DYNC2H1: variants seen among roughly 807,000 people sequenced by gnomAD.
DYNC2H1 encodes cytoplasmic dynein 2 heavy chain 1.
A neutral mutation model predicts 570.0 loss-of-function variants in DYNC2H1; 410 were observed. That is an observed-to-expected ratio of 0.72 (90% CI 0.66 to 0.78). DYNC2H1 has a LOEUF of 0.78. DYNC2H1 is among the 30% of genes least tolerant of loss of function. DYNC2H1 has a pLI of 0.00. For synonymous variants in DYNC2H1, 1,688 were observed against 1,677.6 expected (o/e 1.01, Z -0.15); for missense variants, 4,865 against 5,046.4 (o/e 0.96, Z 1.09).
chr11:103,126,376 T>G (rs12294762), intron 12 of DYNC2H1, among the ~76,000 whole-genome samples: 5,075 of 152,274 alleles, frequency 0.033, 290 homozygotes, highest in African/African-American at 0.12. Flanking sequence ...TCTCTAGATA[T>G]TGCCAAATGT....
rs1565432788 is a variant in DYNC2H1 at position 103,252,224 on chromosome 11, C to CA, written c.10043-1061_10043-1060insA. Among the ~76,000 whole-genome samples, 10 of 152,038 alleles carry CA rather than the reference C, an allele frequency of 6.6e-5. No homozygotes were observed. Among genetic ancestry groups the CA allele is most frequent in the African/African-American group, 2.4e-4 (10 of 41,478 alleles). ...TGATGCGATTACAGGCATAAGCAGCCGTGCCTGACCCACATTTTCTTTATC... is the reference window on the plus strand; with the variant it reads ...TGATGCGATTACAGGCATAAGCAGCCAGTGCCTGACCCACATTTTCTTTATC... On this transcript the variant is annotated intron_variant, in intron 65 of 88. Transcript: ENST00000375735. This position sits in a 1 kb window ranked among gnomAD's most constrained non-coding sequence, Gnocchi z 4.6.
At position 103,420,217 on chromosome 11, in the gene DYNC2H1, A is replaced by G. The variant is rs943238299; in HGVS notation, c.12367-15726A>G. Among the ~76,000 whole-genome samples, 5 of 152,206 alleles carry G rather than the reference A, an allele frequency of 3.3e-5. No homozygotes were observed. In the East Asian group the frequency reaches 9.7e-4, roughly 29 times the overall value. Reference sequence around the variant, plus strand: ...AGAATGGAACCAACTTGGAAAACATATTTCAGGATATCATCCAGGAGAACT... The same window carrying G: ...AGAATGGAACCAACTTGGAAAACATGTTTCAGGATATCATCCAGGAGAACT... On this transcript the variant is annotated intron_variant, in intron 84 of 88. Transcript: ENST00000375735.
chr11:103,176,363 G>C lies in DYNC2H1; in HGVS notation c.5803G>C (p.Glu1935Gln), dbSNP rs763066944. ...TCCGGGAATTGAATTGAAAGAAGTG[G>C]AATATGATGAACTAAGTGCTGCATT... Reference protein sequence around the residue: ...VFPGIELKEVEYDELSAALKQ... With the variant: ...VFPGIELKEVQYDELSAALKQ... Residue 1935 changes from glutamate (E) to glutamine (Q), a missense_variant, in exon 37 of 89, where the codon GAA becomes CAA. By Grantham distance (29) the Glu-to-Gln change is conservative. Transcript: ENST00000375735. 1 of 1,593,814 alleles carries C rather than the reference G, an allele frequency of 6.3e-7. No homozygotes were observed. The highest frequency in any genetic ancestry group is 8.5e-7 in the Non-Finnish European group (1 of 1,170,268).
intron 85 of DYNC2H1, among the ~76,000 whole-genome samples, chr11:103,441,368 A>G (rs990282614): frequency 7.3e-6 from 1 of 136,612 alleles, no homozygotes; most frequent in Non-Finnish European, 1.6e-5. Flanking sequence ...TCCCCCCTCC[A>G]ATACTTCTTA....
In DYNC2H1 at chr11:103,334,412, G is replaced by A. The variant is rs1475014233; in HGVS notation, c.12039+10422G>A. On this transcript the variant is annotated intron_variant, in intron 82 of 88. Coordinates refer to ENST00000375735, the MANE Select transcript of DYNC2H1 (RefSeq NM_001377.3). This position sits in a 1 kb window ranked among gnomAD's most constrained non-coding sequence, Gnocchi z 4.3. ...ATCAATTATAAATTGTAAATCAATT[G>A]TAAATTGGATAAATCAGTTTGCAAA... Among the ~76,000 whole-genome samples the A allele has an allele frequency of 6.6e-6, 1 of 152,098 alleles. No homozygotes were observed. The highest frequency in any genetic ancestry group is 1.5e-5 in the Non-Finnish European group (1 of 67,984).
intron 55 of DYNC2H1, among the ~76,000 whole-genome samples, chr11:103,218,360 G>C (rs938353809): frequency 1.1e-4 from 17 of 152,110 alleles, no homozygotes; most frequent in African/African-American, 3.9e-4. Context: ...AATCAAATTA[G>C]TGAGTACCTG....
intron 84 of DYNC2H1, among the ~76,000 whole-genome samples, chr11:103,413,990 T>C (rs1484904410): frequency 6.6e-6 from 1 of 152,172 alleles, no homozygotes; most frequent in African/African-American, 2.4e-5. Flanking sequence ...GTAAGGACTT[T>C]ATGCCATGCT....
At chr11:103,288,684 T>TTAAAAAAAAAAA (rs1401919829) in intron 75 of DYNC2H1, among the ~76,000 whole-genome samples, 1 of 27,904 alleles carries the variant, frequency 3.6e-5, no homozygotes, top group African/African-American at 1.6e-4. Context: ...CCGTCTCTAC[T>TTAAAAAAAAAAA]AAAAAAAAAA....
At chr11:103,429,174 T>A (rs1306034123) in intron 84 of DYNC2H1, among the ~76,000 whole-genome samples, 1 of 151,786 alleles carries the variant, frequency 6.6e-6, no homozygotes, top group African/African-American at 2.4e-5. Flanking sequence ...GGTAGGAGGA[T>A]CACCTGAGCC....
At chr11:103,190,407 A>G (rs1862249333) in intron 45 of DYNC2H1, among the ~76,000 whole-genome samples, 1 of 152,226 alleles carries the variant, frequency 6.6e-6, no homozygotes, top group Non-Finnish European at 1.5e-5. Flanking sequence ...AATGCAGTGT[A>G]ATAAATGTAG....
chr11:103,391,421 GCTT>G (rs1196926745), intron 83 of DYNC2H1, among the ~76,000 whole-genome samples: 1 of 152,058 alleles, frequency 6.6e-6, no homozygotes, highest in Non-Finnish European at 1.5e-5. Flanking sequence ...AAGGTTTTTA[GCTT>G]CTTTGCGATG....
chr11:103,400,851 CT>C (rs1942608198), intron 84 of DYNC2H1, among the ~76,000 whole-genome samples: 1 of 151,982 alleles, frequency 6.6e-6, no homozygotes, highest in Admixed American at 6.6e-5. Flanking sequence ...TCCTTGTCTT[CT>C]TTTTTATTTT....
At chr11:103,332,699 A>T (rs1002394179) in intron 82 of DYNC2H1, among the ~76,000 whole-genome samples, 6 of 152,188 alleles carry the variant, frequency 3.9e-5, no homozygotes, top group African/African-American at 1.4e-4. Context: ...ATATCTTTCA[A>T]AATGAAGTCA....
At chr11:103,202,417 G>C (rs1862759187) in intron 50 of DYNC2H1, among the ~76,000 whole-genome samples, 1 of 150,706 alleles carries the variant, frequency 6.6e-6, no homozygotes, top group Non-Finnish European at 1.5e-5. Context: ...TCAAATCTTG[G>C]CATTTTATTT....
intron 17 of DYNC2H1, among the ~76,000 whole-genome samples, chr11:103,142,559 C>A (rs1860005492): frequency 6.6e-6 from 1 of 152,022 alleles, no homozygotes; most frequent in East Asian, 1.9e-4. Context: ...ATCCCAATTA[C>A]CATGGAGGCT....
intron 15 of DYNC2H1, 142 bp from the exon 16 acceptor site, chr11:103,135,353 G>A (rs1859482345): frequency 6.3e-6 from 4 of 637,162 alleles, no homozygotes; most frequent in African/African-American, 1.9e-5. Flanking sequence ...GAGTAACAAG[G>A]ATGTACCAGT....
rs181011657 is a variant in DYNC2H1, at chr11:103,257,719, C to T, written c.10573C>T (p.Arg3525Ter). The T allele has an allele frequency of 4.0e-5, 64 of 1,604,004 alleles. No homozygotes were observed. The African/African-American group carries it at 5.5e-4, about 14-fold the overall frequency. Residue 3525 changes from arginine to a stop codon, truncating the protein, a stop_gained, in exon 69 of 89, where the codon CGA becomes TGA. Coordinates refer to ENST00000375735, the MANE Select transcript of DYNC2H1 (RefSeq NM_001377.3). LOFTEE classifies it high-confidence loss of function. Reference protein sequence around the residue: ...MYRFSLAAFLRLFQRALQNKQ... With the variant: ...MYRFSLAAFL ...CCGTTTTAGTTTGGCTGCTTTTCTC[C>T]GACTTTTCCAACGAGCTCTACAAAA...
At position 103,133,338 on chromosome 11, in the gene DYNC2H1, A is replaced by G. The variant is rs76337929; in HGVS notation, c.1954-217A>G. Among the ~76,000 whole-genome samples the G allele has an allele frequency of 0.016, 2,477 of 151,960 alleles. 71 individuals are homozygous for G. The highest frequency in any genetic ancestry group is 0.057 in the African/African-American group (2,344 of 41,432). Reference sequence around the variant, plus strand: ...TCACCTTATGCTTGTTTGTTGTGTTATGTCTAGGGCTTTTTAGTTGTAAAA... The same window carrying G: ...TCACCTTATGCTTGTTTGTTGTGTTGTGTCTAGGGCTTTTTAGTTGTAAAA... On this transcript the variant is annotated intron_variant, in intron 13 of 88. Transcript: ENST00000375735. This position sits in a 1 kb window ranked among gnomAD's most constrained non-coding sequence, Gnocchi z 4.8.
chr11:103,399,202 G>C (rs1942525416), intron 83 of DYNC2H1, among the ~76,000 whole-genome samples: 1 of 145,548 alleles, frequency 6.9e-6, no homozygotes, highest in Non-Finnish European at 1.5e-5. Flanking sequence ...GAGGGCAGTG[G>C]CACAATCTTG....
Sources: gnomAD v4.1 joint callset for allele counts (sites outside exome capture counted in the v4.1 genomes callset) on GRCh38, gnomAD v4.1.1 for gene constraint, Gnocchi (gnomAD v3.1) non-coding constraint, MANE v1.5 for transcripts, NCBI Gene and HGNC (gene_info 2026-07-23, HGNC 2026-07-21) for gene names.